The following IQCE variants were observed in gnomAD, a reference collection of about 807,000 sequenced individuals.
The protein encoded by IQCE is IQ domain-containing protein E.
IQCE carries 115 observed loss-of-function variants against 96.0 expected under a neutral mutation model. The observed-to-expected ratio is 1.20, with a 90% CI of 1.03 to 1.40. The LOEUF (loss-of-function observed/expected upper bound fraction) is 1.40. Ranked by LOEUF, IQCE falls within the 40% of genes most tolerant of loss-of-function variation. The pLI, the probability that IQCE is intolerant of heterozygous loss-of-function variation, is 0.00. For synonymous variants in IQCE, 412 were observed against 371.2 expected (o/e 1.11, Z -1.26); for missense variants, 1,041 against 909.1 (o/e 1.15, Z -1.87).
chr7:2,566,534 A>C (rs1308579171), intron 1 of IQCE: 3 of 140,502 alleles, frequency 2.1e-5, no homozygotes, highest in Non-Finnish European at 3.0e-5. Flanking sequence ...ATTATGACTC[A>C]CTGCAGCCTC....
intron 3 of IQCE, among the ~76,000 whole-genome samples, chr7:2,570,156 C>G: frequency 1.3e-5 from 2 of 152,284 alleles, no homozygotes; most frequent in Non-Finnish European, 2.9e-5. Flanking sequence ...GGCTTTTCAT[C>G]GTCCTGGTCA....
chr7:2,582,121 G>C (rs1297362339), intron 8 of IQCE: 7 of 464,192 alleles, frequency 1.5e-5, no homozygotes, highest in Non-Finnish European at 1.3e-5. Flanking sequence ...CAAATAGAGG[G>C]GAGTGGCTCC....
chr7:2,566,735 G>C, intron 1 of IQCE: 1 of 236,902 alleles, frequency 4.2e-6, no homozygotes, highest in South Asian at 5.4e-5. Context: ...CCAGGAGACA[G>C]TCACAGATTC....
chr7:2,586,604 GGA>G (rs1783137660), intron 12 of IQCE, among the ~76,000 whole-genome samples: 1 of 152,234 alleles, frequency 6.6e-6, no homozygotes, highest in Non-Finnish European at 1.5e-5. Context: ...GCTGTGGGAG[GGA>G]GAGAGGAGCT....
chr7:2,582,766 G>A lies in IQCE; in HGVS notation c.701+116G>A, dbSNP rs1037947921. ...GTGTCCCTACTCCCAGCCCAAAGCC[G>A]AAGGTGAATGTTAGCTGCCTCTTTT... On this transcript the variant is annotated intron_variant, in intron 9 of 21. Coordinates refer to ENST00000402050, the MANE Select transcript of IQCE (RefSeq NM_152558.5). The A allele has an allele frequency of 5.0e-6, 4 of 803,526 alleles. No individual in the cohort carries two copies. In the African/African-American group the frequency reaches 6.9e-5, roughly 14 times the overall value. The allele number at this position is 803,526 out of a possible 1,614,324, so 49.8% of individuals were successfully genotyped here.
chr7:2,584,840 G>A (rs1211291354), intron 11 of IQCE, among the ~76,000 whole-genome samples: 2 of 152,126 alleles, frequency 1.3e-5, no homozygotes, highest in Non-Finnish European at 2.9e-5. Context: ...CCTTAAAACT[G>A]GTTGGAAAAC....
chr7:2,588,192 C>T (rs559398242), intron 13 of IQCE, among the ~76,000 whole-genome samples: 1 of 152,318 alleles, frequency 6.6e-6, no homozygotes, highest in East Asian at 1.9e-4. Context: ...CTGCTTCCCA[C>T]CACTCAAGTC....
intron 14 of IQCE, among the ~76,000 whole-genome samples, chr7:2,590,422 T>C (rs563598432): frequency 1.3e-5 from 2 of 152,376 alleles, no homozygotes; most frequent in East Asian, 3.9e-4. Context: ...TTTTATATGA[T>C]TCTAAAACTG....
chr7:2,593,519 C>T (rs1234284340), intron 15 of IQCE, among the ~76,000 whole-genome samples: 1 of 152,302 alleles, frequency 6.6e-6, no homozygotes, highest in Non-Finnish European at 1.5e-5. Flanking sequence ...CCATCAACTG[C>T]TGGTGGACAA....
At chr7:2,607,404 C>T (rs752805110) in intron 21 of IQCE, 177 bp downstream of exon 21, 253 of 1,366,128 alleles carry the variant, frequency 1.9e-4, no homozygotes, top group Admixed American at 3.6e-4. Context: ...CAACAGGGCC[C>T]CGCCTTGGCC....
At chr7:2,596,183 C>G (rs1161741034) in intron 16 of IQCE, among the ~76,000 whole-genome samples, 1 of 152,082 alleles carries the variant, frequency 6.6e-6, no homozygotes, top group African/African-American at 2.4e-5. Flanking sequence ...CGCTCGAGCC[C>G]AGGAGGTGGA....
chr7:2,608,880 G>C (rs1784991031), intron 21 of IQCE, among the ~76,000 whole-genome samples: 1 of 152,204 alleles, frequency 6.6e-6, no homozygotes, highest in South Asian at 2.1e-4. Flanking sequence ...CATGAAAGCT[G>C]TTTTTAATTT....
At chr7:2,605,222 C>T (rs895686483) in intron 19 of IQCE, among the ~76,000 whole-genome samples, 2 of 152,222 alleles carry the variant, frequency 1.3e-5, no homozygotes, top group African/African-American at 2.4e-5. Context: ...GTTAAGCTGC[C>T]GGAGAGTCAA....
chr7:2,582,524 G>A (rs1782754521), intron 8 of IQCE, 56 bp from the exon 9 acceptor site: 9 of 1,483,060 alleles, frequency 6.1e-6, no homozygotes, highest in South Asian at 3.5e-5. Context: ...GGGGACAGCC[G>A]CTTCTACTGA....
At chr7:2,581,406 A>G (rs939378392) in intron 8 of IQCE, among the ~76,000 whole-genome samples, 14 of 151,572 alleles carry the variant, frequency 9.2e-5, no homozygotes, top group Non-Finnish European at 1.9e-4. Context: ...GGGTTTCACC[A>G]TGTTGGCCAG....
Position 2,582,669 on chromosome 7 carries a change from C to A in IQCE, c.701+19C>A, listed in dbSNP as rs767439506. 1.9e-6 allele frequency: 3 copies of A among 1,607,404 alleles called. No homozygotes were observed. Among genetic ancestry groups the A allele is most frequent in the East Asian group, 2.2e-5 (1 of 44,802 alleles). ...CCATCAGGTGGGCGCAGGGCTGCAC[C>A]CTCTCCCCTGCCTTCCGCCCCGTGT... On this transcript the variant is annotated intron_variant, in intron 9 of 21. Transcript: ENST00000402050.
intron 8 of IQCE, among the ~76,000 whole-genome samples, chr7:2,579,604 C>A (rs754832360): frequency 3.3e-5 from 5 of 152,124 alleles, no homozygotes; most frequent in Non-Finnish European, 5.9e-5. Context: ...AAGCCTAGCT[C>A]GGCACCTAGG....
chr7:2,576,116 T>G (rs1289288901), intron 6 of IQCE, among the ~76,000 whole-genome samples: 1 of 152,232 alleles, frequency 6.6e-6, no homozygotes, highest in African/African-American at 2.4e-5. Flanking sequence ...CAGCTGTGGA[T>G]GTGGCTGAAG....
At chr7:2,605,591 G>T (rs1336889529) in intron 19 of IQCE, among the ~76,000 whole-genome samples, 1 of 152,052 alleles carries the variant, frequency 6.6e-6, no homozygotes, top group Non-Finnish European at 1.5e-5. Context: ...CTGCACTCCA[G>T]CCTGGGCAAC....
Sources: allele counts gnomAD v4.1 joint callset (sites outside exome capture counted in the v4.1 genomes callset), GRCh38; gene constraint gnomAD v4.1.1; transcripts MANE v1.5; gene names NCBI Gene and HGNC (gene_info 2026-07-23, HGNC 2026-07-21).